The following RASAL2 variants were observed in gnomAD, a reference collection of about 807,000 sequenced individuals.
RASAL2 encodes the protein RAS protein activator like 2, also known as ras GTPase-activating protein nGAP.
RASAL2 carries 58 observed loss-of-function variants against 128.9 expected under a neutral mutation model. The observed-to-expected ratio is 0.45, with a 90% confidence interval of 0.36 to 0.56. The LOEUF is 0.56. Among genes scored for constraint, RASAL2 ranks in the 20% least tolerant of loss-of-function variants. RASAL2 has a pLI of 0.00. For missense variants in RASAL2, 1,360 were observed against 1,601.6 expected (o/e 0.85, Z 2.57); for synonymous variants, 561 against 580.8 (o/e 0.97, Z 0.49).
chr1:178,426,652 C>A (rs1675533860), intron 5 of RASAL2, among the ~76,000 whole-genome samples: 1 of 148,912 alleles, frequency 6.7e-6, no homozygotes, highest in African/African-American at 2.5e-5. Context: ...AGGTTGCATA[C>A]AAAGGAATGT....
At chr1:178,131,193 C>T (rs929870119) in intron 1 of RASAL2, among the ~76,000 whole-genome samples, 3 of 151,764 alleles carry the variant, frequency 2.0e-5, no homozygotes, top group Non-Finnish European at 4.4e-5. Context: ...AAAGGCAAGC[C>T]TCTTAAATGG....
intron 3 of RASAL2, among the ~76,000 whole-genome samples, chr1:178,318,012 C>T (rs1394473634): frequency 1.3e-5 from 2 of 150,266 alleles, no homozygotes; most frequent in African/African-American, 2.4e-5. Context: ...TCATTGGTTT[C>T]AAAGAACATC....
At position 178,224,359 on chromosome 1, in the gene RASAL2, C is replaced by T. The variant is rs184740709; in HGVS notation, c.203-59205C>T. Among the ~76,000 whole-genome samples, 543 of 151,770 alleles carry T rather than the reference C, an allele frequency of 3.6e-3. 4 individuals carry two copies. The highest frequency in any genetic ancestry group is 0.012 in the African/African-American group (513 of 41,370). On this transcript the variant is annotated intron_variant, in intron 1 of 17. Transcript: ENST00000367649. ...AAAATCTTTATTTGGCCCTTCTAGA[C>T]GTATCTTTGTCTCTTAAATGAGAAG... is the stretch of plus-strand genomic sequence containing the variant.
intron 1 of RASAL2, among the ~76,000 whole-genome samples, chr1:178,137,221 A>T (rs1209435606): frequency 6.6e-6 from 1 of 152,174 alleles, no homozygotes; most frequent in Non-Finnish European, 1.5e-5. Context: ...TTTTTTCAAA[A>T]GCCAGAGAAT....
intron 5 of RASAL2, among the ~76,000 whole-genome samples, chr1:178,426,293 C>T (rs1418905009): frequency 1.3e-5 from 2 of 152,086 alleles, no homozygotes; most frequent in Non-Finnish European, 2.9e-5. Context: ...ATGATATACC[C>T]GTACAATAGA....
chr1:178,171,408 T>G (rs573051906), intron 1 of RASAL2, among the ~76,000 whole-genome samples: 2 of 152,046 alleles, frequency 1.3e-5, no homozygotes, highest in East Asian at 3.9e-4. Flanking sequence ...CACAAAAGAA[T>G]AAAAGTAATT....
intron 1 of RASAL2, among the ~76,000 whole-genome samples, chr1:178,180,661 T>TCACACACACACA (rs1455344116): frequency 5.9e-4 from 4 of 6,744 alleles, no homozygotes; most frequent in South Asian, 6.1e-3. Context: ...AGCGAGACTG[T>TCACACACACACA]CTCACACACA....
intron 1 of RASAL2, among the ~76,000 whole-genome samples, chr1:178,264,185 G>A (rs970164579): frequency 1.3e-5 from 2 of 152,140 alleles, no homozygotes; most frequent in East Asian, 1.9e-4. Context: ...TCAGTTCTGC[G>A]AGGATTTAAA....
intron 3 of RASAL2, among the ~76,000 whole-genome samples, chr1:178,361,879 T>C (rs1435445759): frequency 2.6e-5 from 4 of 151,768 alleles, no homozygotes; most frequent in Admixed American, 6.6e-5. Flanking sequence ...CTGGGGGTGA[T>C]GGGAGACAGT....
chr1:178,292,934 CTT>C (rs1023686053), intron 2 of RASAL2, among the ~76,000 whole-genome samples: 105 of 152,214 alleles, frequency 6.9e-4, no homozygotes, highest in African/African-American at 2.1e-3. Context: ...TAAAATGACA[CTT>C]TTAAATGTTT....
chr1:178,462,238 A>C (rs1678252443), intron 14 of RASAL2, among the ~76,000 whole-genome samples: 1 of 152,176 alleles, frequency 6.6e-6, no homozygotes, highest in South Asian at 2.1e-4. Flanking sequence ...CATTGAAAAG[A>C]AGCCTTTGGT....
chr1:178,262,095 T>C (rs1357813014), intron 1 of RASAL2, among the ~76,000 whole-genome samples: 15 of 152,146 alleles, frequency 9.9e-5, no homozygotes, highest in African/African-American at 3.4e-4. Flanking sequence ...TAAAGACGAA[T>C]AATTGAATGA....
chr1:178,325,877 G>A (rs1310330097), intron 3 of RASAL2, among the ~76,000 whole-genome samples: 7 of 152,082 alleles, frequency 4.6e-5, no homozygotes. Context: ...GATTGCTTGA[G>A]GTCAGGTGTT....
chr1:178,414,331 G>A (rs1674611324), intron 4 of RASAL2, among the ~76,000 whole-genome samples: 1 of 152,128 alleles, frequency 6.6e-6, no homozygotes, highest in Non-Finnish European at 1.5e-5. Context: ...AATAGGCAGA[G>A]CACAGAGGAT....
intron 1 of RASAL2, among the ~76,000 whole-genome samples, chr1:178,173,222 G>A (rs552967761): frequency 2.6e-5 from 4 of 152,102 alleles, no homozygotes; most frequent in South Asian, 2.1e-4. Context: ...TGCCACCTAC[G>A]GGGGTGCATA....
intron 3 of RASAL2, among the ~76,000 whole-genome samples, chr1:178,381,186 A>T (rs1263831619): frequency 6.6e-6 from 1 of 152,128 alleles, no homozygotes; most frequent in Non-Finnish European, 1.5e-5. Context: ...CTATCTAAAG[A>T]TCTCTAGGAA....
At chr1:178,358,237 TAAAAA>T (rs71567191) in intron 3 of RASAL2, among the ~76,000 whole-genome samples, 1 of 34,770 alleles carries the variant, frequency 2.9e-5, no homozygotes, top group Admixed American at 3.9e-4. Context: ...CTCTGTCTCC[TAAAAA>T]AAAAAAAAAA....
intron 1 of RASAL2, among the ~76,000 whole-genome samples, chr1:178,095,200 C>G (rs1658628678): frequency 6.6e-6 from 1 of 152,248 alleles, no homozygotes; most frequent in Admixed American, 6.5e-5. Context: ...TCTCTAAAAG[C>G]AACCACTTAT....
intron 1 of RASAL2, among the ~76,000 whole-genome samples, chr1:178,134,114 G>C (rs1032508703): frequency 1.3e-5 from 2 of 152,090 alleles, no homozygotes; most frequent in East Asian, 3.8e-4. Flanking sequence ...AGAAATTTAG[G>C]AGCCACTTAG....
Sources: allele counts gnomAD v4.1 joint callset (sites outside exome capture counted in the v4.1 genomes callset), GRCh38; gene constraint gnomAD v4.1.1; transcripts MANE v1.5; gene names NCBI Gene and HGNC (gene_info 2026-07-23, HGNC 2026-07-21).